The following LRPPRC variants were observed in gnomAD, a reference collection of about 807,000 sequenced individuals.
The protein encoded by LRPPRC is leucine-rich PPR motif-containing protein, mitochondrial.
LRPPRC carries 120 observed loss-of-function variants against 180.3 expected under a neutral mutation model. The observed-to-expected ratio is 0.67, with a 90% confidence interval of 0.57 to 0.77. The LOEUF is 0.77. Ranked by LOEUF, LRPPRC falls within the 30% of genes least tolerant of loss-of-function variation. LRPPRC has a pLI of 0.00. For synonymous variants in LRPPRC, 723 were observed against 600.0 expected, an observed-to-expected ratio of 1.21 and a Z score of -3.00; for missense variants, 2,012 against 1,657.2, an observed-to-expected ratio of 1.21 and a Z score of -3.72.
rs768164408 is a variant in LRPPRC at position 43,918,397 on chromosome 2, T to C, written c.2898A>G (p.Lys966=). 1 of 1,606,020 alleles carries C rather than the reference T, an allele frequency of 6.2e-7. No homozygotes were observed. Among genetic ancestry groups the C allele is most frequent in the African/African-American group, 1.3e-5 (1 of 74,880 alleles). Residue 966 remains lysine (K), a splice_region_variant and synonymous_variant, in exon 28 of 38, where the codon AAA becomes AAG. Coordinates refer to ENST00000260665, the MANE Select transcript of LRPPRC (RefSeq NM_133259.4). ...QMYYNLLKLY[K]INGDWQRADA... ...CAGCTCTTTGCCAGTCACCGTTTAT[T>C]TCTGTAGAATTTGATTAAGCAGAAA...
At chr2:43,917,498 G>C (rs993333348) in intron 29 of LRPPRC, among the ~76,000 whole-genome samples, 6 of 151,446 alleles carry the variant, frequency 4.0e-5, no homozygotes, top group African/African-American at 1.5e-4. Flanking sequence ...ATAAAAATAA[G>C]AGTAATTCCG....
chr2:43,943,862 T>G lies in LRPPRC; in HGVS notation c.2329A>C (p.Lys777Gln). 1 of 1,612,992 alleles carries G rather than the reference T, an allele frequency of 6.2e-7. No homozygotes were observed. Among genetic ancestry groups the G allele is most frequent in the East Asian group, 2.2e-5 (1 of 44,840 alleles). ...AINILKEMKE[K>Q]DVLIKDTTAL... ...GTTGTATCTTTGATAAGAACATCCT[T>G]CTCTTTCATCTCCTTCAGAATGTTA... The change falls in exon 23 of 38, where the codon AAG becomes CAG. Residue 777 changes from lysine to glutamine, a missense_variant. Physicochemically the swap from Lys to Gln is moderately conservative, Grantham distance 53 (BLOSUM62 1). Coordinates refer to ENST00000260665, the MANE Select transcript of LRPPRC (RefSeq NM_133259.4).
chr2:43,942,546 G>A (rs980816760), intron 23 of LRPPRC, among the ~76,000 whole-genome samples: 4 of 152,064 alleles, frequency 2.6e-5, no homozygotes, highest in African/African-American at 7.2e-5. Flanking sequence ...TTTCATGTGT[G>A]CATGCATGTA....
chr2:43,975,048 T>C, intron 7 of LRPPRC, 43 bp downstream of exon 7: 1 of 1,599,804 alleles, frequency 6.3e-7, no homozygotes, highest in Non-Finnish European at 8.5e-7. Flanking sequence ...CACAAATTTT[T>C]ACAAATGATT....
At chr2:43,993,449 G>A (rs994388635) in intron 1 of LRPPRC, among the ~76,000 whole-genome samples, 3 of 152,186 alleles carry the variant, frequency 2.0e-5, no homozygotes, top group Non-Finnish European at 1.5e-5. Flanking sequence ...CGGTGTGACT[G>A]CAGTGGATAG....
rs187590711 is a variant in LRPPRC, at chr2:43,982,308, A to G, written c.276T>C (p.Leu92=). The change falls in exon 2 of 38, where the codon CTT becomes CTC. Residue 92 remains leucine, a synonymous_variant. Coordinates refer to ENST00000260665, the MANE Select transcript of LRPPRC (RefSeq NM_133259.4). ...QFDWALMRLD[L]SVRRTGRIPK... ...GAATGCGGCCAGTTCTTCGAACAGA[A>G]AGATCTAGTCTCATTAGAGCCCAAT... 26 of 1,596,744 alleles carry G rather than the reference A, an allele frequency of 1.6e-5. No homozygotes were observed. In the East Asian group the frequency reaches 4.7e-4, roughly 29 times the overall value.
At position 43,934,776 on chromosome 2, in the gene LRPPRC, G is replaced by A. The variant is rs376938606; in HGVS notation, c.2607C>T (p.Gly869=). Residue 869 remains glycine (G), a synonymous_variant, in exon 24 of 38, where the codon GGC becomes GGT. Transcript: ENST00000260665. ...CACCTTTCTGAATTAGATCAGTCTC[G>A]CCTTTCTCTACCAGTTTACACAAGA... ...HDVLCKLVEK[G]ETDLIQKAMD... 34 of 1,612,392 alleles carry A rather than the reference G, an allele frequency of 2.1e-5. No homozygotes were observed. The highest frequency in any genetic ancestry group is 1.8e-4 in the South Asian group (16 of 91,020).
At chr2:43,889,476 A>G (rs1459455928) in intron 37 of LRPPRC, among the ~76,000 whole-genome samples, 1 of 152,156 alleles carries the variant, frequency 6.6e-6, no homozygotes, top group African/African-American at 2.4e-5. Flanking sequence ...AACTGCCCCA[A>G]GGACATTTGG....
At chr2:43,995,772 G>T (rs1043732165) in intron 1 of LRPPRC, 27 bp downstream of exon 1, 5 of 1,350,610 alleles carry the variant, frequency 3.7e-6, no homozygotes, top group Non-Finnish European at 4.7e-6. Context: ...GCCGCAGCTT[G>T]CCTGGAGAAA....
chr2:43,971,485 T>TAAAAAAAAAAAAAG (rs1673803311), intron 11 of LRPPRC, among the ~76,000 whole-genome samples: 1 of 62,418 alleles, frequency 1.6e-5, no homozygotes, highest in Admixed American at 1.9e-4. Context: ...TGTGTCACAG[T>TAAAAAAAAAAAAAG]AAAAAAAAAA....
At chr2:43,945,072 A>G (rs1169136724) in intron 22 of LRPPRC, among the ~76,000 whole-genome samples, 1 of 152,088 alleles carries the variant, frequency 6.6e-6, no homozygotes, top group Admixed American at 6.6e-5. Context: ...TTCAAACTCA[A>G]TCCAAACAGC....
At chr2:43,990,307 C>A (rs771434231) in intron 1 of LRPPRC, among the ~76,000 whole-genome samples, 4 of 152,280 alleles carry the variant, frequency 2.6e-5, no homozygotes, top group Non-Finnish European at 5.9e-5. Flanking sequence ...TCTGCTAACA[C>A]TCTCACCAAT....
intron 13 of LRPPRC, 127 bp from the exon 14 acceptor site, chr2:43,957,578 T>C (rs1361150875): frequency 1.4e-6 from 1 of 726,722 alleles, no homozygotes; most frequent in Admixed American, 2.3e-5. Flanking sequence ...ATTTAAAAAA[T>C]AAAAATGTTT....
In LRPPRC at chr2:43,918,125, A is replaced by G. The variant is rs1297063400; in HGVS notation, c.3048T>C (p.Tyr1016=). The G allele has an allele frequency of 6.2e-7, 1 of 1,613,434 alleles. No homozygotes were observed. Among genetic ancestry groups the G allele is most frequent in the South Asian group, 1.1e-5 (1 of 91,056 alleles). The change falls in exon 29 of 38, where the codon TAT becomes TAC. Residue 1016 remains tyrosine (Y), a synonymous_variant. Transcript: ENST00000260665. ...EVPFDVPELW[Y]EDEKHSLNSS... ...AATTCAGGGAATGTTTTTCATCTTC[A>G]TACCACAACTTTAAAACAAAGTTAT... is the stretch of plus-strand genomic sequence containing the variant.
chr2:43,910,239 C>T lies in LRPPRC; in HGVS notation c.3275+2193G>A, dbSNP rs868124662. ...CAAGGAAACCTTTACATCTCTCTCC[C>T]TTTTTTTTTTTTGAGACAGAGTCTT... is the stretch of plus-strand genomic sequence containing the variant. On this transcript the variant is annotated intron_variant, in intron 30 of 37. Coordinates refer to ENST00000260665, the MANE Select transcript of LRPPRC (RefSeq NM_133259.4). 7.5e-5 allele frequency among the ~76,000 whole-genome samples: 11 copies of T among 146,398 alleles called. No homozygotes were observed. The South Asian group carries it at 2.4e-3, about 32-fold the overall frequency.
chr2:43,903,792 G>A (rs565864864), intron 31 of LRPPRC: 1 of 152,232 alleles, frequency 6.6e-6, no homozygotes, highest in East Asian at 1.9e-4. Flanking sequence ...TGAACCCCCT[G>A]AAATTAGAAA....
chr2:43,994,397 T>A (rs780121574), intron 1 of LRPPRC, among the ~76,000 whole-genome samples: 2 of 152,220 alleles, frequency 1.3e-5, no homozygotes, highest in Admixed American at 6.5e-5. Flanking sequence ...ATATTATGAC[T>A]CCTGTAGTAA....
intron 1 of LRPPRC, among the ~76,000 whole-genome samples, chr2:43,986,779 G>T (rs76153048): frequency 0.018 from 2,757 of 152,194 alleles, 92 homozygotes; most frequent in African/African-American, 0.063. Context: ...GCTGCAATTG[G>T]GTGTTCACAC....
intron 25 of LRPPRC, among the ~76,000 whole-genome samples, chr2:43,932,884 A>G (rs572633437): frequency 6.6e-6 from 1 of 152,316 alleles, no homozygotes; most frequent in South Asian, 2.1e-4. Flanking sequence ...ACCTTACTAC[A>G]CAAAGACAGG....
Sources: gnomAD v4.1 joint callset for allele counts (sites outside exome capture counted in the v4.1 genomes callset) on GRCh38, gnomAD v4.1.1 for gene constraint, MANE v1.5 for transcripts, NCBI Gene and HGNC (gene_info 2026-07-23, HGNC 2026-07-21) for gene names.